Variants in CACNA1D observed in about 807,000 individuals in gnomAD.
The protein encoded by CACNA1D is calcium voltage-gated channel subunit alpha1 D.
A neutral mutation model predicts 257.1 loss-of-function variants in CACNA1D; 55 were observed. The observed-to-expected ratio is 0.21, with a 90% CI of 0.17 to 0.27. The LOEUF is 0.27. Among genes scored for constraint, CACNA1D ranks in the 10% least tolerant of loss-of-function variants. The pLI is 1.00. For synonymous variants in CACNA1D, 980 were observed against 1,014.9 expected, an observed-to-expected ratio of 0.97 and a Z score of 0.65; for missense variants, 1,876 against 2,784.0, an observed-to-expected ratio of 0.67 and a Z score of 7.34.
At chr3:53,670,409 A>T in intron 7 of CACNA1D, among the ~76,000 whole-genome samples, 1 of 152,056 alleles carries the variant, frequency 6.6e-6, no homozygotes, top group South Asian at 2.1e-4. Flanking sequence ...CAATGGCGTG[A>T]TCTTGGCTCA....
chr3:53,522,433 T>C (rs921744343), intron 3 of CACNA1D, among the ~76,000 whole-genome samples: 16 of 148,214 alleles, frequency 1.1e-4, no homozygotes, highest in Non-Finnish European at 2.2e-4. Flanking sequence ...ACACTTCTTC[T>C]GCATAGTTTT....
intron 8 of CACNA1D, among the ~76,000 whole-genome samples, chr3:53,675,346 A>G (rs2094364783): frequency 6.6e-6 from 1 of 152,198 alleles, no homozygotes; most frequent in Admixed American, 6.5e-5. Context: ...GGTGGTGTCT[A>G]TTCCTGGAGA....
intron 3 of CACNA1D, among the ~76,000 whole-genome samples, chr3:53,552,918 C>T (rs533738482): frequency 7.2e-5 from 11 of 152,334 alleles, no homozygotes; most frequent in African/African-American, 2.6e-4. Flanking sequence ...TGTACCTTCA[C>T]CTGCTGAGTG....
At chr3:53,656,692 A>G (rs1030436788) in intron 4 of CACNA1D, among the ~76,000 whole-genome samples, 27 of 152,252 alleles carry the variant, frequency 1.8e-4, no homozygotes, top group African/African-American at 6.5e-4. Flanking sequence ...CAGAATATAT[A>G]AAGAACTCTT....
intron 40 of CACNA1D, chr3:53,796,256 T>A: frequency 4.5e-6 from 2 of 448,850 alleles, no homozygotes; most frequent in Non-Finnish European, 9.0e-6. Flanking sequence ...CTAGGCTGAG[T>A]GCAGCCTGCC....
rs145492947 is a variant in CACNA1D, at chr3:53,810,336, C to A, written c.6192+38C>A. 4.4e-6 allele frequency: 7 copies of A among 1,595,750 alleles called. No homozygotes were observed. In the African/African-American group the frequency reaches 9.4e-5, roughly 21 times the overall value. On this transcript the variant is annotated intron_variant, in intron 47 of 47. Coordinates refer to ENST00000350061, the MANE Select transcript of CACNA1D (RefSeq NM_001128840.3). ...CTTGGCCGTGGTGGGCAGGAAGCAC[C>A]AGGAGCAGCAGAGGTGCAACTGTAA... is the stretch of plus-strand genomic sequence containing the variant.
rs548014277 is a variant in CACNA1D at position 53,808,777 on chromosome 3, G to C, written c.5871+7G>C. The C allele has an allele frequency of 6.2e-7, 1 of 1,604,694 alleles. No individual in the cohort carries two copies. Among genetic ancestry groups the C allele is most frequent in the East Asian group, 2.2e-5 (1 of 44,888 alleles). ...GCATCTAATGCAGCAACAGGTGAGC[G>C]GCCCACCTGGCCTTGCCCCCACACC... is the stretch of plus-strand genomic sequence containing the variant. On this transcript the variant is annotated splice_region_variant and intron_variant, in intron 46 of 47. Transcript: ENST00000350061.
chr3:53,685,489 T>C (rs1444188280), intron 8 of CACNA1D, among the ~76,000 whole-genome samples: 2 of 152,180 alleles, frequency 1.3e-5, no homozygotes, highest in Non-Finnish European at 2.9e-5. Flanking sequence ...CTAATTGATA[T>C]TTATAAAATA....
intron 3 of CACNA1D, among the ~76,000 whole-genome samples, chr3:53,585,979 C>G (rs1227265800): frequency 6.6e-6 from 1 of 152,112 alleles, no homozygotes; most frequent in Non-Finnish European, 1.5e-5. Flanking sequence ...CCGAGAACTT[C>G]GACTTCTTTC....
At chr3:53,700,712 C>T (rs1195533130) in intron 8 of CACNA1D, among the ~76,000 whole-genome samples, 1 of 152,100 alleles carries the variant, frequency 6.6e-6, no homozygotes, top group African/African-American at 2.4e-5. Flanking sequence ...TCTAGATCCA[C>T]AAAGCCTGGC....
At chr3:53,520,322 A>T (rs1269706477) in intron 3 of CACNA1D, among the ~76,000 whole-genome samples, 1 of 152,180 alleles carries the variant, frequency 6.6e-6, no homozygotes, top group Non-Finnish European at 1.5e-5. Context: ...TATCTTTTTA[A>T]TTATAGCCAT....
chr3:53,693,685 T>C (rs138469056), intron 8 of CACNA1D, among the ~76,000 whole-genome samples: 59 of 152,314 alleles, frequency 3.9e-4, no homozygotes, highest in African/African-American at 1.3e-3. Flanking sequence ...TTCCCCCTTC[T>C]CTTTGCCTTT....
chr3:53,733,392 G>A (rs754203740), intron 19 of CACNA1D, among the ~76,000 whole-genome samples: 6 of 152,156 alleles, frequency 3.9e-5, no homozygotes, highest in African/African-American at 7.2e-5. Flanking sequence ...GAATTTTTGT[G>A]ACCAAGGTCC....
At chr3:53,528,951 G>A (rs2091856284) in intron 3 of CACNA1D, among the ~76,000 whole-genome samples, 1 of 152,112 alleles carries the variant, frequency 6.6e-6, no homozygotes, top group South Asian at 2.1e-4. Context: ...TGTGAATAAA[G>A]ATAGTTTTGT....
chr3:53,691,671 T>C (rs911586946), intron 8 of CACNA1D, among the ~76,000 whole-genome samples: 16 of 128,840 alleles, frequency 1.2e-4, no homozygotes, highest in African/African-American at 3.5e-4. Context: ...TGTGTGTATA[T>C]ATGTAATATA....
chr3:53,702,591 A>G (rs775113152), intron 8 of CACNA1D, 50 bp from the exon 9 acceptor site: 1 of 1,589,654 alleles, frequency 6.3e-7, no homozygotes, highest in Admixed American at 1.7e-5. Context: ...CTCAGGATGC[A>G]GGTCCCCAAG....
chr3:53,810,334 A>G, intron 47 of CACNA1D, 36 bp downstream of exon 47: 1 of 1,601,332 alleles, frequency 6.2e-7, no homozygotes, highest in Non-Finnish European at 8.6e-7. Context: ...GGCAGGAAGC[A>G]CCAGGAGCAG....
chr3:53,510,321 A>G (rs750640901), intron 3 of CACNA1D, among the ~76,000 whole-genome samples: 1 of 152,190 alleles, frequency 6.6e-6, no homozygotes, highest in African/African-American at 2.4e-5. Context: ...TGCAAGTGGG[A>G]ACATGCATTC....
At chr3:53,536,727 A>G (rs1303847343) in intron 3 of CACNA1D, among the ~76,000 whole-genome samples, 2 of 152,266 alleles carry the variant, frequency 1.3e-5, no homozygotes, top group Non-Finnish European at 1.5e-5. Context: ...CATTTCAGTT[A>G]CCATAAGTAA....
Sources: allele counts gnomAD v4.1 joint callset (sites outside exome capture counted in the v4.1 genomes callset), GRCh38; gene constraint gnomAD v4.1.1; transcripts MANE v1.5; gene names NCBI Gene and HGNC (gene_info 2026-07-23, HGNC 2026-07-21).